CTNNA2: variants seen among roughly 807,000 people sequenced by gnomAD.
CTNNA2 encodes catenin alpha 2.
In CTNNA2, 42 loss-of-function variants were observed where a neutral mutation model predicts 101.0. The ratio of observed to expected loss-of-function variants is 0.42; its 90% confidence interval spans 0.32 to 0.54. The LOEUF (loss-of-function observed/expected upper bound fraction) is 0.54, where lower values mean the gene tolerates loss of function less well. CTNNA2 is among the 20% of genes least tolerant of loss of function. The probability of loss-of-function intolerance (pLI) is 0.14; values close to 1 mark genes in which losing one functional copy is unlikely to be tolerated. For synonymous variants in CTNNA2, 450 were observed against 456.4 expected, an observed-to-expected ratio of 0.99 and a Z score of 0.18; for missense variants, 871 against 1,223.1, an observed-to-expected ratio of 0.71 and a Z score of 4.29.
Position 79,317,869 on chromosome 2 carries a change from T to C in CTNNA2, c.-318+5073T>C, listed in dbSNP as rs1676531804. Among the ~76,000 whole-genome samples, 3 of 152,062 alleles carry C rather than the reference T, an allele frequency of 2.0e-5. No homozygotes were observed. The South Asian group carries it at 6.2e-4, about 31-fold the overall frequency. On this transcript the variant is annotated intron_variant, in intron 3 of 21. Coordinates refer to the CTNNA2 transcript ENST00000466387. ...ATGAAAAAACATTGGAATAAACACATTTATCAATATGGACATAATTTTAAC... is the reference window on the plus strand; with the variant it reads ...ATGAAAAAACATTGGAATAAACACACTTATCAATATGGACATAATTTTAAC...
intron 6 of CTNNA2, among the ~76,000 whole-genome samples, chr2:79,892,845 G>A (rs903785604): frequency 1.3e-5 from 2 of 152,184 alleles, no homozygotes; most frequent in Non-Finnish European, 2.9e-5. Context: ...GTCTTTGCAG[G>A]ACATTATTGA....
At chr2:80,313,352 G>A (rs1573685785) in intron 7 of CTNNA2, 2 of 1,342,596 alleles carry the variant, frequency 1.5e-6, no homozygotes, top group African/African-American at 1.5e-5. Flanking sequence ...TTCATTTGTT[G>A]TAAGTCAGAT....
At chr2:80,173,809 G>A (rs1036192039) in intron 7 of CTNNA2, among the ~76,000 whole-genome samples, 16 of 152,124 alleles carry the variant, frequency 1.1e-4, no homozygotes, top group Admixed American at 1.0e-3. Context: ...AGAGCCCTGA[G>A]CTCACCTAGG....
At chr2:80,280,275 T>C (rs1213666021) in intron 7 of CTNNA2, among the ~76,000 whole-genome samples, 1 of 149,190 alleles carries the variant, frequency 6.7e-6, no homozygotes, top group East Asian at 2.1e-4. Context: ...GTGCTGGTGC[T>C]GATAGTAATA....
At chr2:79,215,989 G>A (rs1674251621) in intron 2 of CTNNA2, among the ~76,000 whole-genome samples, 2 of 151,528 alleles carry the variant, frequency 1.3e-5, no homozygotes, top group African/African-American at 4.8e-5. Context: ...GGGAAAGAAG[G>A]AAGATTTGGG....
At chr2:79,850,434 C>A (rs912132534) in intron 3 of CTNNA2, among the ~76,000 whole-genome samples, 2 of 150,676 alleles carry the variant, frequency 1.3e-5, no homozygotes, top group Admixed American at 1.3e-4. Flanking sequence ...TCTCTCCCTC[C>A]CTCCCTTCCT....
rs559773591 is a variant in CTNNA2, at chr2:79,493,400, A to G, written c.-134-11654A>G. 2.0e-5 allele frequency among the ~76,000 whole-genome samples: 3 copies of G among 152,220 alleles called. No individual in the cohort carries two copies. In the South Asian group the frequency reaches 6.2e-4, roughly 32 times the overall value. On this transcript the variant is annotated intron_variant, in intron 4 of 21. Coordinates refer to the CTNNA2 transcript ENST00000466387. ...TGGAAGGCTGAGGCAGGTGGATCATAAGGTCAGATGTTCGAGACCAGCCTG... is the reference window on the plus strand; with the variant it reads ...TGGAAGGCTGAGGCAGGTGGATCATGAGGTCAGATGTTCGAGACCAGCCTG...
In CTNNA2 at chr2:80,580,058, G is replaced by A. The variant is rs191227656; in HGVS notation, c.1894-1648G>A. Among the ~76,000 whole-genome samples the A allele has an allele frequency of 2.0e-3, 298 of 152,272 alleles. 3 individuals carry two copies. The highest frequency in any genetic ancestry group is 5.7e-3 in the African/African-American group (235 of 41,574). Reference sequence around the variant, plus strand: ...ACTTTTGTGCACCATCCTTACTACCGTTCGAATTTAACCTCATAGAGTTAG... The same window carrying A: ...ACTTTTGTGCACCATCCTTACTACCATTCGAATTTAACCTCATAGAGTTAG... On this transcript the variant is annotated intron_variant, in intron 13 of 18. Coordinates refer to ENST00000402739, the MANE Select transcript of CTNNA2 (RefSeq NM_001282597.3).
chr2:79,750,009 C>T (rs575659924), intron 3 of CTNNA2, among the ~76,000 whole-genome samples: 2 of 152,092 alleles, frequency 1.3e-5, no homozygotes, highest in Non-Finnish European at 2.9e-5. Flanking sequence ...TTGAGTAGCT[C>T]GGTATGGCTT....
At chr2:80,344,459 A>G (rs1672534124) in intron 7 of CTNNA2, among the ~76,000 whole-genome samples, 1 of 152,160 alleles carries the variant, frequency 6.6e-6, no homozygotes, top group Admixed American at 6.5e-5. Flanking sequence ...ATGTCAACAC[A>G]TGAATGTTTT....
chr2:80,164,387 A>G (rs1041163993), intron 7 of CTNNA2, among the ~76,000 whole-genome samples: 3 of 152,042 alleles, frequency 2.0e-5, no homozygotes, highest in East Asian at 1.9e-4. Flanking sequence ...TGATATTTTC[A>G]TATTACCAAT....
chr2:79,920,437 T>C (rs1312310345), intron 7 of CTNNA2, among the ~76,000 whole-genome samples: 1 of 152,180 alleles, frequency 6.6e-6, no homozygotes, highest in African/African-American at 2.4e-5. Context: ...GGATGTTGTA[T>C]TGTTTACAAT....
At chr2:80,207,244 A>C (rs904106084) in intron 7 of CTNNA2, among the ~76,000 whole-genome samples, 2 of 152,204 alleles carry the variant, frequency 1.3e-5, no homozygotes, top group African/African-American at 4.8e-5. Flanking sequence ...ATTGGACATT[A>C]TGTCTATAGG....
intron 11 of CTNNA2, among the ~76,000 whole-genome samples, chr2:80,554,047 A>G (rs1331632392): frequency 2.0e-5 from 3 of 152,216 alleles, no homozygotes; most frequent in African/African-American, 7.2e-5. Context: ...TGTAGAAATC[A>G]GCAATTTATA....
intron 6 of CTNNA2, among the ~76,000 whole-genome samples, chr2:79,904,148 G>A (rs1488051557): frequency 2.0e-5 from 3 of 152,074 alleles, no homozygotes; most frequent in Non-Finnish European, 4.4e-5. Flanking sequence ...AACTCTTCTG[G>A]AAGTATTTTT....
At chr2:79,530,023 G>C (rs1367564856) in intron 1 of CTNNA2, among the ~76,000 whole-genome samples, 1 of 151,978 alleles carries the variant, frequency 6.6e-6, no homozygotes, top group African/African-American at 2.4e-5. Context: ...TGTGGAAACT[G>C]GTCAGATCAG....
chr2:79,784,759 AATATAT>A (rs141251255), intron 3 of CTNNA2, among the ~76,000 whole-genome samples: 23,971 of 149,170 alleles, frequency 0.16, 3,470 homozygotes, highest in African/African-American at 0.37. Context: ...CAGAGAATGA[AATATAT>A]ATATATATAT....
chr2:79,913,604 G>A (rs1429603930), intron 7 of CTNNA2, among the ~76,000 whole-genome samples: 2 of 152,134 alleles, frequency 1.3e-5, no homozygotes, highest in East Asian at 1.9e-4. Context: ...GAGGCCCTGC[G>A]TCCCGTAATA....
Position 80,589,860 on chromosome 2 carries a change from CTGTGTGTGTGTG to C in CTNNA2, c.2189+410_2189+421del, listed in dbSNP as rs59206973. Among the ~76,000 whole-genome samples, 257 of 140,578 alleles carry C rather than the reference CTGTGTGTGTGTG, an allele frequency of 1.8e-3. 1 individual carries two copies. The highest frequency in any genetic ancestry group is 4.0e-3 in the African/African-American group (153 of 38,698). The allele number at this position is 140,578 out of a possible 152,430, so 92.2% of individuals were successfully genotyped here. On this transcript the variant is annotated intron_variant, in intron 15 of 18. Coordinates refer to ENST00000402739, the MANE Select transcript of CTNNA2 (RefSeq NM_001282597.3). ...TATACCTTTGGAAAAATATGTACCT[CTGTGTGTGTGTG>C]TGTGTGTGTGTGTGTGTGTGTGTGT...
Sources: gnomAD v4.1 joint callset for allele counts (sites outside exome capture counted in the v4.1 genomes callset) on GRCh38, gnomAD v4.1.1 for gene constraint, MANE v1.5 for transcripts, NCBI Gene and HGNC (gene_info 2026-07-23, HGNC 2026-07-21) for gene names.